The following SLC45A4 variants were observed in gnomAD, a reference collection of about 807,000 sequenced individuals.
SLC45A4 encodes the protein solute carrier family 45 member 4, also known as polyamine-transporter SLC45A4.
Under a neutral mutation model 63.7 loss-of-function variants are expected in SLC45A4, and 32 were observed. The observed-to-expected ratio is 0.50, with a 90% CI of 0.38 to 0.67. SLC45A4 has a LOEUF of 0.67. Among genes scored for constraint, SLC45A4 ranks in the 30% least tolerant of loss-of-function variants. SLC45A4 has a pLI of 0.00. For synonymous variants in SLC45A4, 535 were observed against 510.0 expected, an observed-to-expected ratio of 1.05 and a Z score of -0.66; for missense variants, 1,027 against 1,157.7, an observed-to-expected ratio of 0.89 and a Z score of 1.64.
At chr8:141,235,325 G>A (rs928151099) in intron 2 of SLC45A4, among the ~76,000 whole-genome samples, 8 of 152,198 alleles carry the variant, frequency 5.3e-5, no homozygotes, top group Non-Finnish European at 7.3e-5. Flanking sequence ...TCAGGTTACC[G>A]TGAGGGGCAT....
intron 1 of SLC45A4, among the ~76,000 whole-genome samples, chr8:141,307,597 G>A (rs1830938342): frequency 6.6e-6 from 1 of 152,022 alleles, no homozygotes; most frequent in Non-Finnish European, 1.5e-5. Context: ...AGAGGGGAGA[G>A]GGGGCCACTT....
rs942511158 is a variant in SLC45A4 at position 141,277,844 on chromosome 8, G to A, written c.-400-23215C>T. ...TTTTTTGTAGAGATGGGGTTTCACC[G>A]TGTTAGCCAGGATGCTCTCGATCTC... On this transcript the variant is annotated intron_variant, in intron 1 of 8. Transcript: ENST00000517878. Among the ~76,000 whole-genome samples, 19 of 152,006 alleles carry A rather than the reference G, an allele frequency of 1.2e-4. No homozygotes were observed. In the East Asian group the frequency reaches 1.7e-3, roughly 14 times the overall value.
At chr8:141,268,707 G>C (rs1269021393) in intron 1 of SLC45A4, among the ~76,000 whole-genome samples, 2 of 152,182 alleles carry the variant, frequency 1.3e-5, no homozygotes, top group African/African-American at 4.8e-5. Context: ...CCAGTGTTAG[G>C]AAGAAACCAA....
At chr8:141,221,978 C>T (rs1464810912) in intron 2 of SLC45A4, among the ~76,000 whole-genome samples, 3 of 152,254 alleles carry the variant, frequency 2.0e-5, no homozygotes, top group Non-Finnish European at 4.4e-5. Context: ...ATCAGATGGC[C>T]AGAGAAAAGC....
At chr8:141,219,626 C>G (rs371462882) in intron 4 of SLC45A4, 24 bp downstream of exon 4, 10 of 1,585,446 alleles carry the variant, frequency 6.3e-6, no homozygotes, top group South Asian at 1.1e-5. Flanking sequence ...ACCCGGCCAC[C>G]CAGCCTTGGT....
At chr8:141,263,494 G>A (rs1021434002) in intron 1 of SLC45A4, among the ~76,000 whole-genome samples, 6 of 151,920 alleles carry the variant, frequency 3.9e-5, no homozygotes, top group Non-Finnish European at 7.4e-5. Flanking sequence ...ATGGCCGGGC[G>A]CAGTGGCTCA....
At chr8:141,295,398 C>T (rs1830506958) in intron 1 of SLC45A4, among the ~76,000 whole-genome samples, 2 of 152,234 alleles carry the variant, frequency 1.3e-5, no homozygotes, top group South Asian at 4.1e-4. Context: ...TCAAGTTAGG[C>T]TCAGTTCCTC....
In SLC45A4 at chr8:141,211,469, A is replaced by C. The variant is rs762821557; in HGVS notation, c.*103T>G. ...ACTGTCTTCTGCCCAGGCCCCCCGG[A>C]CCAGCCTCCTCCCAGCTTTGGTGTG... On this transcript the variant is annotated 3_prime_UTR_variant, in exon 9 of 9. Transcript: ENST00000517878. 1 of 1,600,786 alleles carries C rather than the reference A, an allele frequency of 6.2e-7. No homozygotes were observed. The highest frequency in any genetic ancestry group is 1.1e-5 in the South Asian group (1 of 89,440).
chr8:141,269,744 T>C (rs1829440480), intron 1 of SLC45A4, among the ~76,000 whole-genome samples: 1 of 152,142 alleles, frequency 6.6e-6, no homozygotes, highest in Non-Finnish European at 1.5e-5. Flanking sequence ...TCTATATGTG[T>C]CTGTATGTCT....
rs1470214982 is a variant in SLC45A4, at chr8:141,278,444, G to A, written c.-400-23815C>T. The A allele has an allele frequency of 2.7e-5, 4 of 150,632 alleles. No individual in the cohort carries two copies. The highest frequency in any genetic ancestry group is 6.6e-5 in the Admixed American group (1 of 15,204). 9.3% of individuals were successfully genotyped at this position (150,632 alleles called of 1,614,324 possible). A position where few individuals can be genotyped will look rare whatever the true frequency, so the allele number is the denominator to read the frequency against. ...GGCCGACCCACGAGGACACTGGCGG[G>A]ACAGGGGTGAGCACAACCCACGAGG... is the stretch of plus-strand genomic sequence containing the variant. On this transcript the variant is annotated intron_variant, in intron 1 of 8. Transcript: ENST00000517878. The surrounding 1 kb of genome is among the most constrained non-coding windows in gnomAD (Gnocchi z 4.1).
chr8:141,304,707 G>A (rs773656857), intron 1 of SLC45A4, among the ~76,000 whole-genome samples: 13 of 151,918 alleles, frequency 8.6e-5, no homozygotes, highest in Admixed American at 3.3e-4. Flanking sequence ...CTAACCAGTC[G>A]CACTCAACAA....
At chr8:141,279,703 C>T (rs1336536459) in intron 1 of SLC45A4, among the ~76,000 whole-genome samples, 2 of 152,246 alleles carry the variant, frequency 1.3e-5, no homozygotes, top group Admixed American at 6.5e-5. Flanking sequence ...TGGCCGGCAA[C>T]AAACAAAACC....
Position 141,254,041 on chromosome 8 carries a change from C to T in SLC45A4, c.189G>A (p.Glu63=). The T allele has an allele frequency of 6.5e-7, 1 of 1,536,194 alleles. No individual in the cohort carries two copies. The highest frequency in any genetic ancestry group is 8.7e-7 in the Non-Finnish European group (1 of 1,146,920). Residue 63 remains glutamate, a synonymous_variant, in exon 2 of 9, where the codon GAG becomes GAA. Coordinates refer to ENST00000517878, the MANE Select transcript of SLC45A4 (RefSeq NM_001286646.2). The surrounding 1 kb of genome is among the most constrained non-coding windows in gnomAD (Gnocchi z 4.5). ...VMHGAVMFGR[E]FCYAMETALV... ...GAGCGGTTTCCATGGCGTAACAGAACTCCCTGCCAAACATCACCGCCCCGT... is the reference window on the plus strand; with the variant it reads ...GAGCGGTTTCCATGGCGTAACAGAATTCCCTGCCAAACATCACCGCCCCGT...
rs565015943 is a variant in SLC45A4 at position 141,306,424 on chromosome 8, T to G, written c.-401+1672A>C. Among the ~76,000 whole-genome samples the G allele has an allele frequency of 2.8e-5, 4 of 141,792 alleles. No individual in the cohort carries two copies. The South Asian group carries it at 9.8e-4, about 35-fold the overall frequency. The allele number at this position is 141,792 out of a possible 152,430, so 93.0% of individuals were successfully genotyped here. On this transcript the variant is annotated intron_variant, in intron 1 of 8. Transcript: ENST00000517878. Reference sequence around the variant, plus strand: ...AGTTCTTTACTGCGCCTGAGTCTCCTCCACCCGGAACCTGCAGGGCTGCCT... The same window carrying G: ...AGTTCTTTACTGCGCCTGAGTCTCCGCCACCCGGAACCTGCAGGGCTGCCT...
At chr8:141,272,508 T>G (rs1829579546) in intron 1 of SLC45A4, among the ~76,000 whole-genome samples, 1 of 152,172 alleles carries the variant, frequency 6.6e-6, no homozygotes, top group African/African-American at 2.4e-5. Context: ...CCGCTGTCAG[T>G]ACTGTGAACA....
Position 141,305,688 on chromosome 8 carries a change from C to T in SLC45A4, c.-401+2408G>A, listed in dbSNP as rs191675919. Among the ~76,000 whole-genome samples the T allele has an allele frequency of 3.3e-5, 5 of 152,338 alleles. No individual in the cohort carries two copies. The East Asian group carries it at 9.6e-4, about 29-fold the overall frequency. On this transcript the variant is annotated intron_variant, in intron 1 of 8. Transcript: ENST00000517878. ...GTTGGTCACAAACCACCCCAGCCAG[C>T]CACTGGGCGTCAGGACCCTCGGGAA... is the stretch of plus-strand genomic sequence containing the variant.
intron 2 of SLC45A4, among the ~76,000 whole-genome samples, chr8:141,245,212 C>T (rs1828128360): frequency 6.6e-6 from 1 of 152,148 alleles, no homozygotes; most frequent in Non-Finnish European, 1.5e-5. Flanking sequence ...AAAGGAGATG[C>T]TGGTATCTGC....
chr8:141,216,130 G>A (rs573189624), intron 6 of SLC45A4, among the ~76,000 whole-genome samples, 160 bp from the exon 7 acceptor site: 4 of 146,982 alleles, frequency 2.7e-5, no homozygotes, highest in South Asian at 4.6e-4. Context: ...ACAGGCCTCC[G>A]GCACGTATTT....
intron 1 of SLC45A4, among the ~76,000 whole-genome samples, chr8:141,263,776 A>AC (rs200315272): frequency 0.011 from 1,696 of 148,670 alleles, 47 homozygotes; most frequent in African/African-American, 0.04. Context: ...TCTCAAAAAA[A>AC]AAAAAAATAA....
Sources: allele counts gnomAD v4.1 joint callset (sites outside exome capture counted in the v4.1 genomes callset), GRCh38; gene constraint gnomAD v4.1.1; non-coding constraint Gnocchi (gnomAD v3.1); transcripts MANE v1.5; gene names NCBI Gene and HGNC (gene_info 2026-07-23, HGNC 2026-07-21).